Variants in STAT3 observed in about 807,000 individuals in gnomAD.
STAT3 encodes the protein DNA-binding protein APRF.
A neutral mutation model predicts 114.3 loss-of-function variants in STAT3; 7 were observed. That is an observed-to-expected ratio of 0.06 (90% confidence interval 0.03 to 0.11). The LOEUF (loss-of-function observed/expected upper bound fraction) is 0.11, where lower values mean the gene tolerates loss of function less well. Among genes scored for constraint, STAT3 ranks in the 10% least tolerant of loss-of-function variants. STAT3 has a pLI of 1.00. For missense variants in STAT3, 364 were observed against 960.9 expected, an observed-to-expected ratio of 0.38 and a Z score of 8.21; for synonymous variants, 331 against 354.5, an observed-to-expected ratio of 0.93 and a Z score of 0.74.
chr17:42,379,492 T>C (rs1034033714), intron 1 of STAT3, among the ~76,000 whole-genome samples: 4 of 152,246 alleles, frequency 2.6e-5, no homozygotes, highest in Non-Finnish European at 5.9e-5. Context: ...TGAGGGCACA[T>C]TTAATTCAGC....
intron 4 of STAT3, 124 bp downstream of exon 4, chr17:42,345,435 T>C: frequency 2.5e-6 from 2 of 809,440 alleles, no homozygotes; most frequent in Non-Finnish European, 4.0e-6. Context: ...TGTATTTTTA[T>C]GATTATTGAT....
chr17:42,341,056 C>T (rs569040260), intron 4 of STAT3, among the ~76,000 whole-genome samples: 1 of 152,276 alleles, frequency 6.6e-6, no homozygotes, highest in South Asian at 2.1e-4. Context: ...CTATGGTTAC[C>T]AGCTCAAGCC....
intron 1 of STAT3, among the ~76,000 whole-genome samples, chr17:42,377,983 A>T (rs1198748141): frequency 3.1e-5 from 4 of 127,714 alleles, no homozygotes; most frequent in Admixed American, 8.6e-5. Flanking sequence ...CAGAAACAGG[A>T]TTTTTTTTTT....
intron 1 of STAT3, among the ~76,000 whole-genome samples, chr17:42,367,449 A>G (rs915350819): frequency 6.6e-6 from 1 of 151,840 alleles, no homozygotes; most frequent in African/African-American, 2.4e-5. Context: ...TTTGCCCCAG[A>G]TGTCTCTCTT....
At position 42,384,134 on chromosome 17, in the gene STAT3, T is replaced by A. The variant is rs1392924211; in HGVS notation, c.-24+4145A>T. On this transcript the variant is annotated intron_variant, in intron 1 of 23. Transcript: ENST00000264657. ...TTTATTTATTTATTTATTTATTTATTTTTTTTTTTTTTGAGACGGAGTCTC... is the reference window on the plus strand; with the variant it reads ...TTTATTTATTTATTTATTTATTTATATTTTTTTTTTTTGAGACGGAGTCTC... Among the ~76,000 whole-genome samples, 112 of 107,592 alleles carry A rather than the reference T, an allele frequency of 1.0e-3. 2 individuals carry two copies. Among genetic ancestry groups the A allele is most frequent in the East Asian group, 4.7e-3 (21 of 4,422 alleles). The allele number at this position is 107,592 out of a possible 152,430, so 70.6% of individuals were successfully genotyped here.
intron 1 of STAT3, among the ~76,000 whole-genome samples, chr17:42,349,116 G>A (rs1290351204): frequency 6.6e-6 from 1 of 152,180 alleles, no homozygotes; most frequent in Admixed American, 6.5e-5. Flanking sequence ...CTCCTGCCTC[G>A]GCTTCCCAAA....
intron 22 of STAT3, 27 bp from the exon 23 acceptor site, chr17:42,316,928 G>T: frequency 6.2e-7 from 1 of 1,603,840 alleles, no homozygotes; most frequent in Non-Finnish European, 8.5e-7. Context: ...GCAGCAGGAG[G>T]GGAAACGGGG....
chr17:42,348,366 A>G, intron 2 of STAT3, 23 bp downstream of exon 2: 1 of 1,613,954 alleles, frequency 6.2e-7, no homozygotes, highest in Non-Finnish European at 8.5e-7. Context: ...AACAATTTGG[A>G]GAGTCACTTA....
At chr17:42,376,405 T>C (rs1209353410) in intron 1 of STAT3, among the ~76,000 whole-genome samples, 2 of 150,648 alleles carry the variant, frequency 1.3e-5, no homozygotes, top group Non-Finnish European at 3.0e-5. Flanking sequence ...AAATTAGCTG[T>C]GCGTGGTGGC....
At chr17:42,387,554 C>G (rs147014083) in intron 1 of STAT3, 1 of 152,286 alleles carries the variant, frequency 6.6e-6, no homozygotes, top group African/African-American at 2.4e-5. Context: ...GTTTATTTCT[C>G]TCTCTAGAGC....
Position 42,323,632 on chromosome 17 carries a change from G to GC in STAT3, c.1601-8_1601-7insG, listed in dbSNP as rs1555564070. 36 of 1,613,772 alleles carry GC rather than the reference G, an allele frequency of 2.2e-5. No individual in the cohort carries two copies. Among genetic ancestry groups the GC allele is most frequent in the South Asian group, 2.0e-4 (18 of 91,062 alleles). ...GAATAATTCACACCAGGTCCTGAAG[G>GC]AAAGAAAAAGAGTCAAGTAGTACAT... On this transcript the variant is annotated splice_polypyrimidine_tract_variant and splice_region_variant and intron_variant, in intron 17 of 23. Transcript: ENST00000264657.
At chr17:42,316,992 C>A (rs2081280254) in intron 22 of STAT3, 91 bp from the exon 23 acceptor site, 20 of 1,565,698 alleles carry the variant, frequency 1.3e-5, no homozygotes, top group Non-Finnish European at 1.7e-5. Context: ...CACACACAAG[C>A]CATCAAACTC....
At position 42,315,751 on chromosome 17, in the gene STAT3, G is replaced by A; in HGVS notation, c.2307C>T (p.Pro769=). ...AGCTTCCGTTCTCAGCTCCTCACATGGGGGAGGTAGCGCACTCCGAGGTCA... is the reference window on the plus strand; with the variant it reads ...AGCTTCCGTTCTCAGCTCCTCACATAGGGGAGGTAGCGCACTCCGAGGTCA... ...MELTSECATS[P]M Residue 769 remains proline, a synonymous_variant, in exon 24 of 24, where the codon CCC becomes CCT. Transcript: ENST00000264657. 6.2e-7 allele frequency: 1 copy of A among 1,614,006 alleles called. No homozygotes were observed. The highest frequency in any genetic ancestry group is 8.5e-7 in the Non-Finnish European group (1 of 1,179,942).
At chr17:42,331,149 G>A (rs893792575) in intron 11 of STAT3, among the ~76,000 whole-genome samples, 1 of 152,178 alleles carries the variant, frequency 6.6e-6, no homozygotes, top group Non-Finnish European at 1.5e-5. Flanking sequence ...GATACATTTT[G>A]CAGAACGTAT....
chr17:42,320,727 TAAAAA>T (rs756271214), intron 21 of STAT3, among the ~76,000 whole-genome samples: 1 of 60,088 alleles, frequency 1.7e-5, no homozygotes, highest in Non-Finnish European at 3.3e-5. Context: ...AGACTTAGTC[TAAAAA>T]AAAAAAAAAA....
At chr17:42,332,147 G>A (rs1431863052) in intron 10 of STAT3, among the ~76,000 whole-genome samples, 2 of 151,314 alleles carry the variant, frequency 1.3e-5, no homozygotes, top group South Asian at 4.2e-4. Flanking sequence ...GGATGGTCTC[G>A]AACTCCCGAC....
Position 42,324,996 on chromosome 17 carries a change from G to A in STAT3, c.1431C>T (p.Ile477=). ...TGTTGGTCAGCATGTTGTACCACAGGATGGACGCCCAGGCATTTGGCATCT... is the reference window on the plus strand; with the variant it reads ...TGTTGGTCAGCATGTTGTACCACAGAATGGACGCCCAGGCATTTGGCATCT... The part of the protein sequence containing the change: ...ICQMPNAWAS[I]LWYNMLTNNP... Residue 477 remains isoleucine (I), a synonymous_variant, in exon 16 of 24, where the codon ATC becomes ATT. Coordinates refer to ENST00000264657, the MANE Select transcript of STAT3 (RefSeq NM_139276.3). This position sits in a 1 kb window ranked among gnomAD's most constrained non-coding sequence, Gnocchi z 4.5. The A allele has an allele frequency of 6.2e-7, 1 of 1,614,144 alleles. No individual in the cohort carries two copies. Among genetic ancestry groups the A allele is most frequent in the East Asian group, 2.2e-5 (1 of 44,880 alleles).
chr17:42,388,285 C>T lies in STAT3; in HGVS notation c.-30G>A, dbSNP rs902615202. 20 of 1,231,630 alleles carry T rather than the reference C, an allele frequency of 1.6e-5. No individual in the cohort carries two copies. In the Admixed American group the frequency reaches 6.3e-4, roughly 39 times the overall value. 76.3% of individuals were successfully genotyped at this position (1,231,630 alleles called of 1,614,324 possible). ...CACCCTGCACCCCCTTCACCTGTTT[C>T]TCCGGCAGAGGCCGAGAGGCCGGGG... is the stretch of plus-strand genomic sequence containing the variant. On this transcript the variant is annotated 5_prime_UTR_variant, in exon 1 of 24. Coordinates refer to ENST00000264657, the MANE Select transcript of STAT3 (RefSeq NM_139276.3).
At position 42,339,307 on chromosome 17, in the gene STAT3, G is replaced by C. The variant is rs1458328339; in HGVS notation, c.468+7C>G. ...GCTCCCTGCCCGAGGCTTGTAACTT[G>C]CATCACCTGCACTCTCTTCCGGACA... On this transcript the variant is annotated splice_region_variant and intron_variant, in intron 5 of 23. Transcript: ENST00000264657. 1.9e-6 allele frequency: 3 copies of C among 1,610,208 alleles called. No individual in the cohort carries two copies. Among genetic ancestry groups the C allele is most frequent in the South Asian group, 2.2e-5 (2 of 91,018 alleles).
Sources: allele counts gnomAD v4.1 joint callset (sites outside exome capture counted in the v4.1 genomes callset), GRCh38; gene constraint gnomAD v4.1.1; non-coding constraint Gnocchi (gnomAD v3.1); transcripts MANE v1.5; gene names NCBI Gene and HGNC (gene_info 2026-07-23, HGNC 2026-07-21).